RANBP2: variants seen among roughly 807,000 people sequenced by gnomAD.
The protein encoded by RANBP2 is RAN binding protein 2.
In RANBP2, 57 loss-of-function variants were observed where a neutral mutation model predicts 303.6. The observed-to-expected ratio is 0.19, with a 90% CI of 0.15 to 0.23. RANBP2 has a LOEUF of 0.23. Ranked by LOEUF, RANBP2 falls within the 10% of genes least tolerant of loss-of-function variation. The pLI, the probability that RANBP2 is intolerant of heterozygous loss-of-function variation, is 1.00. For missense variants in RANBP2, 3,138 were observed against 3,780.8 expected (o/e 0.83, Z 4.46); for synonymous variants, 1,167 against 1,301.5 (o/e 0.90, Z 2.23).
At chr2:109,333,795 C>A in the RANBP2 span, among the ~76,000 whole-genome samples, 1 of 152,122 alleles carries the variant, frequency 6.6e-6, no homozygotes, top group African/African-American at 2.4e-5. Context: ...GACTTAGTTT[C>A]CTCCACTGTA....
At chr2:109,244,316 A>G in the RANBP2 span, among the ~76,000 whole-genome samples, 1 of 152,216 alleles carries the variant, frequency 6.6e-6, no homozygotes, top group Non-Finnish European at 1.5e-5. Flanking sequence ...CACATTTTGC[A>G]TCTAGGAGCA....
the RANBP2 span, among the ~76,000 whole-genome samples, chr2:108,905,027 A>G: frequency 6.6e-6 from 1 of 152,314 alleles, no homozygotes; most frequent in East Asian, 1.9e-4. Context: ...AGTATCTCAA[A>G]ATAAAAAGTT....
intron 20 of RANBP2, among the ~76,000 whole-genome samples, chr2:108,770,603 C>T (rs1677429013): frequency 6.6e-6 from 1 of 151,724 alleles, no homozygotes; most frequent in Admixed American, 6.6e-5. Context: ...CTCTGGGTGA[C>T]AAAGCAAGAC....
chr2:109,444,150 C>G, the RANBP2 span, among the ~76,000 whole-genome samples: 1 of 152,056 alleles, frequency 6.6e-6, no homozygotes, highest in African/African-American at 2.4e-5. Flanking sequence ...TTCAAAATAA[C>G]CCATATATTA....
At chr2:109,293,338 A>T in the RANBP2 span, among the ~76,000 whole-genome samples, 1 of 152,218 alleles carries the variant, frequency 6.6e-6, no homozygotes, top group Admixed American at 6.5e-5. Context: ...AGAAGTGTCC[A>T]TTTGTGTGTC....
the RANBP2 span, among the ~76,000 whole-genome samples, chr2:109,329,990 T>C: frequency 6.6e-6 from 1 of 152,268 alleles, no homozygotes; most frequent in Non-Finnish European, 1.5e-5. Flanking sequence ...TGACTAGCAT[T>C]GAGAGAATGT....
At chr2:109,472,698 T>C in the RANBP2 span, among the ~76,000 whole-genome samples, 125 of 152,326 alleles carry the variant, frequency 8.2e-4, no homozygotes, top group Non-Finnish European at 1.3e-4. Flanking sequence ...CAGACATCCT[T>C]CAGAAGGAGG....
At chr2:109,495,051 G>A in the RANBP2 span, among the ~76,000 whole-genome samples, 1 of 152,174 alleles carries the variant, frequency 6.6e-6, no homozygotes, top group Non-Finnish European at 1.5e-5. Flanking sequence ...GTAGACTTAT[G>A]AGCCAAGCCC....
At chr2:109,606,064 G>A in the RANBP2 span, among the ~76,000 whole-genome samples, 1 of 152,204 alleles carries the variant, frequency 6.6e-6, no homozygotes. Flanking sequence ...TGTGAAAGTT[G>A]CATCTCATCC....
chr2:109,034,335 A>T, the RANBP2 span, among the ~76,000 whole-genome samples: 1 of 150,754 alleles, frequency 6.6e-6, no homozygotes, highest in East Asian at 1.9e-4. Flanking sequence ...GTCAATTTCT[A>T]CGTTTATCCA....
chr2:109,326,678 T>C, the RANBP2 span, among the ~76,000 whole-genome samples: 1 of 152,358 alleles, frequency 6.6e-6, no homozygotes, highest in South Asian at 2.1e-4. Flanking sequence ...TTAACTTATC[T>C]TTTTCTTGAA....
chr2:108,923,005 T>TAGTA, the RANBP2 span, among the ~76,000 whole-genome samples: 2 of 152,204 alleles, frequency 1.3e-5, no homozygotes, highest in East Asian at 3.9e-4. Flanking sequence ...CTTTGCAAAA[T>TAGTA]AGTAGTACTT....
chr2:108,940,546 C>T, the RANBP2 span, among the ~76,000 whole-genome samples: 4 of 152,254 alleles, frequency 2.6e-5, no homozygotes, highest in African/African-American at 9.6e-5. Context: ...GCCTGAGCCC[C>T]AGATCGGGCG....
the RANBP2 span, among the ~76,000 whole-genome samples, chr2:108,797,960 T>G: frequency 1.2e-5 from 1 of 81,226 alleles, no homozygotes; most frequent in Admixed American, 1.7e-4. Flanking sequence ...TCACGGTGTG[T>G]GATTTTTTTT....
At chr2:109,261,957 A>G in the RANBP2 span, among the ~76,000 whole-genome samples, 1 of 151,980 alleles carries the variant, frequency 6.6e-6, no homozygotes, top group Non-Finnish European at 1.5e-5. Context: ...GTAGCATTCC[A>G]CTTCATTACA....
the RANBP2 span, among the ~76,000 whole-genome samples, chr2:109,486,256 C>A: frequency 7.2e-5 from 11 of 152,202 alleles, no homozygotes; most frequent in Non-Finnish European, 1.5e-4. Context: ...TTTTGGTCCT[C>A]ATTTCAGACC....
chr2:108,878,721 CTT>C, the RANBP2 span, among the ~76,000 whole-genome samples: 20 of 152,280 alleles, frequency 1.3e-4, no homozygotes, highest in Admixed American at 9.8e-4. Context: ...GTAAGTCTAT[CTT>C]AGCCTTTGTT....
At chr2:109,267,919 G>A in the RANBP2 span, among the ~76,000 whole-genome samples, 3 of 152,052 alleles carry the variant, frequency 2.0e-5, no homozygotes, top group Admixed American at 1.3e-4. Context: ...ACACTCCTGG[G>A]CCCCTGGACA....
intron 9 of RANBP2, among the ~76,000 whole-genome samples, chr2:108,750,913 T>C (rs1229028143): frequency 6.6e-6 from 1 of 152,236 alleles, no homozygotes; most frequent in Admixed American, 6.5e-5. Flanking sequence ...ATTGCTTTAA[T>C]GACTTAAAGG....
Sources: allele counts gnomAD v4.1 joint callset (sites outside exome capture counted in the v4.1 genomes callset), GRCh38; gene constraint gnomAD v4.1.1; transcripts MANE v1.5; gene names NCBI Gene and HGNC (gene_info 2026-07-23, HGNC 2026-07-21).